Variants in RFX3 observed in about 807,000 individuals in gnomAD.
RFX3 encodes the protein transcription factor RFX3.
RFX3 carries 14 observed loss-of-function variants against 98.6 expected under a neutral mutation model. The ratio of observed to expected loss-of-function variants is 0.14; its 90% CI spans 0.09 to 0.22. RFX3 has a LOEUF of 0.22. Among genes scored for constraint, RFX3 ranks in the 10% least tolerant of loss-of-function variants. RFX3 has a pLI of 1.00. For missense variants in RFX3, 639 were observed against 926.9 expected (o/e 0.69, Z 4.03); for synonymous variants, 383 against 328.4 (o/e 1.17, Z -1.80).
At chr9:3,232,307 C>A (rs1302684205) in intron 15 of RFX3, among the ~76,000 whole-genome samples, 1 of 152,144 alleles carries the variant, frequency 6.6e-6, no homozygotes, top group African/African-American at 2.4e-5. Context: ...GGCTTTCTCT[C>A]AAACAGACTG....
chr9:3,346,631 TG>T lies in RFX3; in HGVS notation c.215+35del, dbSNP rs766065788. On this transcript the variant is annotated intron_variant, in intron 3 of 16. Coordinates refer to ENST00000617270, the MANE Select transcript of RFX3 (RefSeq NM_001282116.2). Reference sequence around the variant, plus strand: ...CAAAAGTACATTATTTTTCTCTGAGTGGGGGAATTAAAAAGACTTCCACATA... The same window carrying T: ...CAAAAGTACATTATTTTTCTCTGAGTGGGGAATTAAAAAGACTTCCACATA... 8 of 1,276,572 alleles carry T rather than the reference TG, an allele frequency of 6.3e-6. No homozygotes were observed. In the Admixed American group the frequency reaches 1.3e-4, roughly 21 times the overall value. 79.1% of individuals were successfully genotyped at this position (1,276,572 alleles called of 1,614,324 possible). A position where few individuals can be genotyped will look rare whatever the true frequency, so the allele number is the denominator to read the frequency against.
chr9:3,448,499 C>G (rs1473241545), intron 1 of RFX3, among the ~76,000 whole-genome samples: 3 of 152,150 alleles, frequency 2.0e-5, no homozygotes. Flanking sequence ...TATTACAACC[C>G]ACATATTTCT....
chr9:3,405,671 T>C (rs1206886881), intron 1 of RFX3, among the ~76,000 whole-genome samples: 4 of 152,152 alleles, frequency 2.6e-5, no homozygotes, highest in African/African-American at 9.7e-5. Context: ...GATTTCTTTT[T>C]TTCTCTCATC....
In RFX3 at chr9:3,224,711, C is replaced by T; in HGVS notation, c.*331G>A. On this transcript the variant is annotated 3_prime_UTR_variant, in exon 17 of 17. Coordinates refer to ENST00000617270, the MANE Select transcript of RFX3 (RefSeq NM_001282116.2). The stretch of plus-strand genomic sequence containing the variant: ...ACATGAAATCATACACCAAGACTAA[C>T]AATCAACAATAAAATATTTTAAGCT... The T allele has an allele frequency of 1.1e-5, 2 of 188,898 alleles. No homozygotes were observed. Among genetic ancestry groups the T allele is most frequent in the Non-Finnish European group, 2.2e-5 (2 of 90,994 alleles). 11.7% of individuals were successfully genotyped at this position (188,898 alleles called of 1,614,324 possible). A position where few individuals can be genotyped will look rare whatever the true frequency, so the allele number is the denominator to read the frequency against.
intron 1 of RFX3, among the ~76,000 whole-genome samples, chr9:3,414,545 G>A (rs1415449066): frequency 1.3e-5 from 2 of 149,518 alleles, no homozygotes; most frequent in East Asian, 3.9e-4. Flanking sequence ...GTATATATAT[G>A]AGTGTGTATA....
intron 4 of RFX3, among the ~76,000 whole-genome samples, chr9:3,326,473 T>G (rs1831933100): frequency 1.3e-5 from 2 of 152,094 alleles, no homozygotes; most frequent in Admixed American, 1.3e-4. Context: ...TTCCTGATCC[T>G]CTCCCTCCTG....
chr9:3,435,141 C>T (rs1037556756), intron 1 of RFX3, among the ~76,000 whole-genome samples: 6 of 151,896 alleles, frequency 4.0e-5, no homozygotes, highest in Non-Finnish European at 4.4e-5. Flanking sequence ...AGGCCTAAGA[C>T]ATTACTGTAC....
chr9:3,464,899 C>T (rs1848060732), intron 1 of RFX3, among the ~76,000 whole-genome samples: 1 of 151,622 alleles, frequency 6.6e-6, no homozygotes. Flanking sequence ...AACACATAAA[C>T]ATGTAAATAC....
At chr9:3,431,520 C>T (rs1339929198) in intron 1 of RFX3, among the ~76,000 whole-genome samples, 1 of 152,044 alleles carries the variant, frequency 6.6e-6, no homozygotes, top group Non-Finnish European at 1.5e-5. Flanking sequence ...GGTATGAAAA[C>T]CCCGCACTTT....
At chr9:3,478,805 T>C (rs892550310) in intron 1 of RFX3, among the ~76,000 whole-genome samples, 7 of 152,224 alleles carry the variant, frequency 4.6e-5, no homozygotes, top group Non-Finnish European at 8.8e-5. Context: ...TTTAAATTCC[T>C]GGCCAGATTC....
Position 3,219,441 on chromosome 9 carries a change from T to A in RFX3, c.*5601A>T, listed in dbSNP as rs1247273296. 7.0e-5 allele frequency: 10 copies of A among 143,344 alleles called. No individual in the cohort carries two copies. The highest frequency in any genetic ancestry group is 1.2e-4 in the Non-Finnish European group (8 of 66,530). 8.9% of individuals were successfully genotyped at this position (143,344 alleles called of 1,614,324 possible). A position where few individuals can be genotyped will look rare whatever the true frequency, so the allele number is the denominator to read the frequency against. On this transcript the variant is annotated 3_prime_UTR_variant, in exon 17 of 17. Transcript: ENST00000617270. ...CTCAGGGCTTCCAATCCCAACATCA[T>A]AATTTATTTAAAAAAAAAAAACAAA...
At chr9:3,245,226 C>T (rs187284782) in intron 15 of RFX3, among the ~76,000 whole-genome samples, 1 of 152,248 alleles carries the variant, frequency 6.6e-6, no homozygotes, top group Admixed American at 6.5e-5. Flanking sequence ...CCCTGAGAAA[C>T]TGATTTTTAC....
chr9:3,347,557 C>T (rs1563964600), intron 2 of RFX3, among the ~76,000 whole-genome samples: 1 of 152,082 alleles, frequency 6.6e-6, no homozygotes, highest in Non-Finnish European at 1.5e-5. Context: ...GGTGCGGTGG[C>T]TCACCCCTGT....
At chr9:3,476,609 A>T (rs1849279062) in intron 1 of RFX3, among the ~76,000 whole-genome samples, 1 of 152,232 alleles carries the variant, frequency 6.6e-6, no homozygotes, top group East Asian at 1.9e-4. Context: ...GTTGTATTAT[A>T]AATTCCAGAA....
intron 15 of RFX3, among the ~76,000 whole-genome samples, chr9:3,235,027 C>T (rs1479683649): frequency 1.3e-5 from 2 of 152,196 alleles, no homozygotes; most frequent in South Asian, 4.1e-4. Flanking sequence ...CTTGCATATA[C>T]AGGCAAAGAG....
At chr9:3,356,080 G>GA (rs34751371) in intron 2 of RFX3, among the ~76,000 whole-genome samples, 1 of 149,466 alleles carries the variant, frequency 6.7e-6, no homozygotes, top group Non-Finnish European at 1.5e-5. Context: ...ATATTAGGGG[G>GA]AAAAAAATCT....
intron 3 of RFX3, among the ~76,000 whole-genome samples, chr9:3,331,960 A>ATTCC (rs1832653044): frequency 1.3e-5 from 2 of 152,112 alleles, no homozygotes; most frequent in Non-Finnish European, 2.9e-5. Context: ...GTATGATGAG[A>ATTCC]TTCCATTCCT....
chr9:3,241,695 TACG>T (rs1437074606), intron 15 of RFX3, among the ~76,000 whole-genome samples: 1 of 152,232 alleles, frequency 6.6e-6, no homozygotes, highest in African/African-American at 2.4e-5. Context: ...AAAACCAAAC[TACG>T]ACTTCTTTAA....
intron 2 of RFX3, among the ~76,000 whole-genome samples, chr9:3,393,200 T>G (rs958426385): frequency 6.6e-6 from 1 of 152,004 alleles, no homozygotes; most frequent in Admixed American, 6.6e-5. Flanking sequence ...GAGGTAAATA[T>G]CAGAATAACA....
Sources: gnomAD v4.1 joint callset for allele counts (sites outside exome capture counted in the v4.1 genomes callset) on GRCh38, gnomAD v4.1.1 for gene constraint, MANE v1.5 for transcripts, NCBI Gene and HGNC (gene_info 2026-07-23, HGNC 2026-07-21) for gene names.